The following DHX35 variants were observed in gnomAD, a reference collection of about 807,000 sequenced individuals.
DHX35 encodes the protein DEAH-box helicase 35.
In DHX35, 84 loss-of-function variants were observed where a neutral mutation model predicts 99.6. That is an observed-to-expected ratio of 0.84 (90% CI 0.71 to 1.01). DHX35 has a LOEUF of 1.01. Ranked by LOEUF, DHX35 falls within the 50% of genes least tolerant of loss-of-function variation. The pLI, the probability that DHX35 is intolerant of heterozygous loss-of-function variation, is 0.00. For missense variants in DHX35, 852 were observed against 888.5 expected, an observed-to-expected ratio of 0.96 and a Z score of 0.52; for synonymous variants, 331 against 316.2, an observed-to-expected ratio of 1.05 and a Z score of -0.50.
In DHX35 at chr20:39,025,372, C is replaced by G. The variant is rs756330052; in HGVS notation, c.1801+13C>G. 3 of 1,611,276 alleles carry G rather than the reference C, an allele frequency of 1.9e-6. No individual in the cohort carries two copies. The South Asian group carries it at 3.3e-5, about 18-fold the overall frequency. On this transcript the variant is annotated intron_variant, in intron 18 of 21. Transcript: ENST00000252011. ...AAGTCTAGTGAAGGTGAGAAGAAAC[C>G]GTCCCAGCTGGTGACCTCCCTTGCT...
intron 21 of DHX35, among the ~76,000 whole-genome samples, chr20:39,036,013 G>A (rs1185227970): frequency 6.6e-6 from 1 of 152,178 alleles, no homozygotes. Context: ...GTGAAAGAAA[G>A]GCTTTTCCTT....
chr20:38,968,926 A>T (rs1249286640), intron 1 of DHX35, among the ~76,000 whole-genome samples, 155 bp from the exon 2 acceptor site: 7 of 152,196 alleles, frequency 4.6e-5, no homozygotes, highest in South Asian at 4.1e-4. Flanking sequence ...ACTTTTCTGG[A>T]TTCTTTCCTA....
At chr20:39,029,403 T>A (rs939370237) in intron 19 of DHX35, 3 of 151,430 alleles carry the variant, frequency 2.0e-5, no homozygotes, top group African/African-American at 4.9e-5. Flanking sequence ...GAGCCTTTTT[T>A]AATTTTGACA....
rs140789922 is a variant in DHX35, at chr20:38,962,470, C to T, written c.40+63C>T. 9.6e-3 allele frequency: 15,078 copies of T among 1,573,372 alleles called. 101 individuals are homozygous for T. Among genetic ancestry groups the T allele is most frequent in the Non-Finnish European group, 0.012 (13,355 of 1,160,008 alleles). On this transcript the variant is annotated intron_variant, in intron 1 of 21. Transcript: ENST00000252011. ...CCTGACTTCGGTCTTGGCGCCGCGGCCGGCGCCCTGGGGCCAGCAGACCTG... is the reference window on the plus strand; with the variant it reads ...CCTGACTTCGGTCTTGGCGCCGCGGTCGGCGCCCTGGGGCCAGCAGACCTG...
intron 3 of DHX35, among the ~76,000 whole-genome samples, chr20:38,980,236 G>A (rs948152172): frequency 1.3e-5 from 2 of 152,136 alleles, no homozygotes; most frequent in Non-Finnish European, 2.9e-5. Context: ...GATTGGCTAT[G>A]TGTGTTTGAA....
In DHX35 at chr20:39,010,540, C is replaced by CA. The variant is rs1331544861; in HGVS notation, c.1347+137dup. 3.3e-5 allele frequency: 41 copies of CA among 1,258,448 alleles called. No individual in the cohort carries two copies. The South Asian group carries it at 6.2e-4, about 19-fold the overall frequency. 78.0% of individuals were successfully genotyped at this position (1,258,448 alleles called of 1,614,324 possible). A position where few individuals can be genotyped will look rare whatever the true frequency, so the allele number is the denominator to read the frequency against. ...ATGTGTTGTGTGTCTGCTTTGCAACCAGGCCCTGTGCAGGACGTAGGGGAA... is the reference window on the plus strand; with the variant it reads ...ATGTGTTGTGTGTCTGCTTTGCAACCAAGGCCCTGTGCAGGACGTAGGGGAA... On this transcript the variant is annotated intron_variant, in intron 13 of 21. Transcript: ENST00000252011.
intron 7 of DHX35, among the ~76,000 whole-genome samples, chr20:38,994,325 C>G (rs978485156): frequency 1.3e-5 from 2 of 151,642 alleles, no homozygotes; most frequent in Admixed American, 6.6e-5. Flanking sequence ...TTAGCTGTAG[C>G]TCATTTGGTC....
chr20:38,989,075 G>A (rs1167020160), intron 5 of DHX35, among the ~76,000 whole-genome samples, 158 bp downstream of exon 5: 1 of 151,258 alleles, frequency 6.6e-6, no homozygotes, highest in Non-Finnish European at 1.5e-5. Flanking sequence ...TCAGCTAGGA[G>A]ACAGAGAGCT....
rs755289756 is a variant in DHX35, at chr20:39,034,299, C to G, written c.2049C>G (p.His683Gln). The G allele has an allele frequency of 7.4e-6, 12 of 1,613,888 alleles. No individual in the cohort carries two copies. The highest frequency in any genetic ancestry group is 1.6e-4 in the Middle Eastern group (1 of 6,062). The change falls in exon 21 of 22, where the codon CAC becomes CAG. Residue 683 changes from histidine to glutamine, a missense_variant. His to Gln is a conservative substitution (Grantham distance 24, BLOSUM62 0). Transcript: ENST00000252011. ...CCTGGCTGTTGGAGCTGGCTCCACACTTTTATCAACAAGGAACGGTAGGAA... is the reference window on the plus strand; with the variant it reads ...CCTGGCTGTTGGAGCTGGCTCCACAGTTTTATCAACAAGGAACGGTAGGAA... ...ESAWLLELAP[H>Q]FYQQGTHLSL...
intron 3 of DHX35, among the ~76,000 whole-genome samples, chr20:38,973,663 T>C (rs1314717465): frequency 6.6e-6 from 1 of 152,244 alleles, no homozygotes; most frequent in Non-Finnish European, 1.5e-5. Context: ...TTCTCATTAC[T>C]GCATAGCAGG....
At chr20:38,998,620 T>C (rs2179318) in intron 8 of DHX35, among the ~76,000 whole-genome samples, 55,996 of 152,080 alleles carry the variant, frequency 0.37, 10,729 homozygotes, top group Middle Eastern at 0.51. Flanking sequence ...CTGACTCAAA[T>C]TCTTCTTTTC....
At chr20:38,986,010 C>T (rs1389193333) in intron 4 of DHX35, among the ~76,000 whole-genome samples, 1 of 152,126 alleles carries the variant, frequency 6.6e-6, no homozygotes, top group Admixed American at 6.5e-5. Context: ...ACTTCAAGAC[C>T]AGGTAGGTCC....
At chr20:38,965,620 A>C (rs1165702546) in intron 1 of DHX35, among the ~76,000 whole-genome samples, 1 of 150,248 alleles carries the variant, frequency 6.7e-6, no homozygotes, top group Non-Finnish European at 1.5e-5. Flanking sequence ...GAGTTGCCCA[A>C]TTTTTTTTTT....
In DHX35 at chr20:39,025,240, A is replaced by G; in HGVS notation, c.1682A>G (p.Asp561Gly). 1 of 1,611,950 alleles carries G rather than the reference A, an allele frequency of 6.2e-7. No individual in the cohort carries two copies. Among genetic ancestry groups the G allele is most frequent in the South Asian group, 1.1e-5 (1 of 90,522 alleles). Reference protein sequence around the residue: ...IYEAFIKHNKDSKWCQEHFLN... With the variant: ...IYEAFIKHNKGSKWCQEHFLN... ...TGGGTTGTTCTGTAGCACAATAAGG[A>G]CTCTAAATGGTGTCAGGAACATTTC... Residue 561 changes from aspartate to glycine, a missense_variant, in exon 18 of 22, where the codon GAC (aspartate) becomes GGC (glycine). Physicochemically the swap from Asp to Gly is moderately conservative, Grantham distance 94. Transcript: ENST00000252011.
At chr20:39,012,562 C>G (rs1568747504) in intron 13 of DHX35, among the ~76,000 whole-genome samples, 1 of 151,396 alleles carries the variant, frequency 6.6e-6, no homozygotes, top group East Asian at 1.9e-4. Context: ...CAGAGTCTCT[C>G]TCTGTCACCC....
chr20:38,991,326 T>G, intron 5 of DHX35, 128 bp from the exon 6 acceptor site: 1 of 728,570 alleles, frequency 1.4e-6, no homozygotes, highest in Non-Finnish European at 2.1e-6. Context: ...GGGGGCATTT[T>G]CTCACAGTCC....
chr20:39,002,825 A>T lies in DHX35; in HGVS notation c.809A>T (p.Gln270Leu). The change falls in exon 10 of 22, where the codon CAG becomes CTG. Residue 270 changes from glutamine to leucine, a missense_variant. Physicochemically the swap from Gln to Leu is moderately radical, Grantham distance 113. Coordinates refer to ENST00000252011, the MANE Select transcript of DHX35 (RefSeq NM_021931.4). Reference protein sequence around the residue: ...STVETVVKIHQTEGDGDVLAF... With the variant: ...STVETVVKIHLTEGDGDVLAF... ...GTCGAAACTGTGGTGAAAATTCACC[A>T]GACAGAGGGAGACGGAGACGTTTTA... 6.2e-7 allele frequency: 1 copy of T among 1,614,224 alleles called. No individual in the cohort carries two copies. The highest frequency in any genetic ancestry group is 8.5e-7 in the Non-Finnish European group (1 of 1,180,032).
intron 5 of DHX35, 120 bp downstream of exon 5, chr20:38,989,037 A>G (rs1005433741): frequency 9.0e-7 from 1 of 1,112,920 alleles, no homozygotes; most frequent in African/African-American, 1.6e-5. Flanking sequence ...AAAGTGAAGA[A>G]AAGTATCCTG....
At chr20:38,984,331 CA>C (rs1347600087) in intron 4 of DHX35, among the ~76,000 whole-genome samples, 1 of 152,156 alleles carries the variant, frequency 6.6e-6, no homozygotes, top group Admixed American at 6.5e-5. Flanking sequence ...TTTAAAACCC[CA>C]AATTTCACCA....
Sources: allele counts gnomAD v4.1 joint callset (sites outside exome capture counted in the v4.1 genomes callset), GRCh38; gene constraint gnomAD v4.1.1; transcripts MANE v1.5; gene names NCBI Gene and HGNC (gene_info 2026-07-23, HGNC 2026-07-21).